Variants in ALPK1 observed in about 807,000 individuals in gnomAD.
ALPK1 encodes the protein alpha-protein kinase 1.
Under a neutral mutation model 120.6 loss-of-function variants are expected in ALPK1, and 110 were observed. The observed-to-expected ratio is 0.91, with a 90% CI of 0.78 to 1.07. The LOEUF (loss-of-function observed/expected upper bound fraction) is 1.07, where lower values mean the gene tolerates loss of function less well. Among genes scored for constraint, ALPK1 ranks in the 50% least tolerant of loss-of-function variants. The pLI is 0.00. For missense variants in ALPK1, 1,498 were observed against 1,483.9 expected (o/e 1.01, Z -0.16); for synonymous variants, 582 against 560.3 (o/e 1.04, Z -0.55).
intron 2 of ALPK1, among the ~76,000 whole-genome samples, chr4:112,342,137 T>C (rs1466812291): frequency 6.6e-6 from 1 of 152,260 alleles, no homozygotes; most frequent in African/African-American, 2.4e-5. Flanking sequence ...TATGAGCATT[T>C]ATGGCTTAGA....
At chr4:112,343,255 A>G (rs983003432) in intron 2 of ALPK1, 2 of 152,150 alleles carry the variant, frequency 1.3e-5, no homozygotes, top group African/African-American at 4.8e-5. Flanking sequence ...ATCTGATGTC[A>G]TTTCTCTTGA....
At chr4:112,413,945 G>A (rs1438052839) in intron 5 of ALPK1, among the ~76,000 whole-genome samples, 2 of 152,156 alleles carry the variant, frequency 1.3e-5, no homozygotes, top group Non-Finnish European at 2.9e-5. Context: ...TATTAAAAGT[G>A]CCACAGAAAG....
At chr4:112,364,928 C>T (rs1242143128) in intron 2 of ALPK1, among the ~76,000 whole-genome samples, 3 of 152,012 alleles carry the variant, frequency 2.0e-5, no homozygotes, top group Admixed American at 1.3e-4. Flanking sequence ...ATGTGATACA[C>T]CACATAAACA....
At chr4:112,327,430 T>A (rs969620576) in intron 2 of ALPK1, among the ~76,000 whole-genome samples, 1 of 152,162 alleles carries the variant, frequency 6.6e-6, no homozygotes, top group Non-Finnish European at 1.5e-5. Context: ...GAAAAGTGTT[T>A]TCTGTTTTGA....
intron 1 of ALPK1, among the ~76,000 whole-genome samples, chr4:112,300,856 C>T: frequency 6.6e-6 from 1 of 152,098 alleles, no homozygotes; most frequent in East Asian, 1.9e-4. Flanking sequence ...TTTGTCATGT[C>T]TTTGTATATA....
At chr4:112,383,680 T>A (rs1382771027) in intron 4 of ALPK1, 1 of 152,206 alleles carries the variant, frequency 6.6e-6, no homozygotes, top group East Asian at 1.9e-4. Context: ...TAACTATAAC[T>A]TAACTATCAC....
At chr4:112,327,543 C>T (rs1040026104) in intron 2 of ALPK1, among the ~76,000 whole-genome samples, 6 of 152,102 alleles carry the variant, frequency 3.9e-5, no homozygotes, top group African/African-American at 1.4e-4. Context: ...TAAGGGATCC[C>T]CCCGACCTCA....
chr4:112,327,263 C>T (rs1349511995), intron 2 of ALPK1, among the ~76,000 whole-genome samples: 1 of 152,194 alleles, frequency 6.6e-6, no homozygotes, highest in Non-Finnish European at 1.5e-5. Context: ...TGCATCACCT[C>T]TTGTAGCCTC....
chr4:112,435,250 A>G lies in ALPK1; in HGVS notation c.3137A>G (p.Gln1046Arg), dbSNP rs1298841976. Reference sequence around the variant, plus strand: ...TTGACTGTGAAGAAAAAAGGCAGACAAAGAAATGCTTTTTGGGTTCATCAT... The same window carrying G: ...TTGACTGTGAAGAAAAAAGGCAGACGAAGAAATGCTTTTTGGGTTCATCAT... ...DYLTVKKKGR[Q>R]RNAFWVHHLH... Residue 1046 changes from glutamine to arginine, a missense_variant, in exon 12 of 16, where the codon CAA becomes CGA. Gln to Arg is a conservative substitution (Grantham distance 43). Transcript: ENST00000650871. The G allele has an allele frequency of 1.2e-6, 2 of 1,613,834 alleles. No individual in the cohort carries two copies. The highest frequency in any genetic ancestry group is 1.1e-5 in the South Asian group (1 of 91,018).
rs548828159 is a variant in ALPK1 at position 112,411,464 on chromosome 4, A to T, written c.277-363A>T. Among the ~76,000 whole-genome samples, 4 of 152,228 alleles carry T rather than the reference A, an allele frequency of 2.6e-5. No homozygotes were observed. The South Asian group carries it at 8.3e-4, about 32-fold the overall frequency. On this transcript the variant is annotated intron_variant, in intron 4 of 15. Transcript: ENST00000650871. ...GGTCTCAAAATCCAGGCCTCAAGAG[A>T]TCCACACGCCTCGGCCTCCCAAAAT...
rs565939703 is a variant in ALPK1, at chr4:112,335,211, G to A, written c.-101+19359G>A. 2.3e-4 allele frequency among the ~76,000 whole-genome samples: 34 copies of A among 150,806 alleles called. No homozygotes were observed. The South Asian group carries it at 5.0e-3, about 22-fold the overall frequency. On this transcript the variant is annotated intron_variant, in intron 2 of 15. Transcript: ENST00000650871. ...GCGGAGGTTGCGGTGAGTCAAGATC[G>A]TGCCATTGCACTCCAGCCTCCAGCC...
intron 2 of ALPK1, among the ~76,000 whole-genome samples, chr4:112,345,474 A>G (rs1730060972): frequency 6.6e-6 from 1 of 152,198 alleles, no homozygotes; most frequent in Non-Finnish European, 1.5e-5. Context: ...TGGATAAAGC[A>G]GTAGCTTCAT....
At chr4:112,348,395 G>A (rs1045875781) in intron 2 of ALPK1, among the ~76,000 whole-genome samples, 11 of 152,236 alleles carry the variant, frequency 7.2e-5, no homozygotes, top group African/African-American at 2.2e-4. Flanking sequence ...GTGCTTAGGC[G>A]CGGTGTCGAG....
intron 4 of ALPK1, among the ~76,000 whole-genome samples, chr4:112,397,456 T>C (rs1163947877): frequency 2.0e-5 from 3 of 152,214 alleles, no homozygotes. Flanking sequence ...TGCTTTTAAA[T>C]GGCAAAAACT....
At chr4:112,396,084 AAAT>A (rs1324316309) in intron 4 of ALPK1, among the ~76,000 whole-genome samples, 1 of 152,194 alleles carries the variant, frequency 6.6e-6, no homozygotes, top group African/African-American at 2.4e-5. Flanking sequence ...GAAAGAAAAA[AAAT>A]TCCCATTTGT....
intron 4 of ALPK1, among the ~76,000 whole-genome samples, chr4:112,398,679 T>G (rs1272808745): frequency 6.6e-6 from 1 of 152,126 alleles, no homozygotes; most frequent in Non-Finnish European, 1.5e-5. Flanking sequence ...GCTTACATTT[T>G]AGAGGGATCA....
chr4:112,321,802 C>G (rs1728878138), intron 2 of ALPK1, among the ~76,000 whole-genome samples: 1 of 152,080 alleles, frequency 6.6e-6, no homozygotes, highest in Admixed American at 6.5e-5. Context: ...GCATAATATG[C>G]ACTGCTATTT....
At chr4:112,334,432 CAA>C (rs34230609) in intron 2 of ALPK1, among the ~76,000 whole-genome samples, 12 of 120,740 alleles carry the variant, frequency 9.9e-5, no homozygotes, top group Non-Finnish European at 1.2e-4. Context: ...GACTCTGCCT[CAA>C]AAAAAAAAAA....
At chr4:112,310,999 A>G (rs1345872015) in intron 1 of ALPK1, among the ~76,000 whole-genome samples, 1 of 151,168 alleles carries the variant, frequency 6.6e-6, no homozygotes, top group Non-Finnish European at 1.5e-5. Context: ...GAGGAAACTG[A>G]GGTCTATCAG....
Sources: gnomAD v4.1 joint callset for allele counts (sites outside exome capture counted in the v4.1 genomes callset) on GRCh38, gnomAD v4.1.1 for gene constraint, MANE v1.5 for transcripts, NCBI Gene and HGNC (gene_info 2026-07-23, HGNC 2026-07-21) for gene names.